GRIN2A: variants seen among roughly 807,000 people sequenced by gnomAD.
GRIN2A encodes the protein glutamate ionotropic receptor NMDA type subunit 2A.
A neutral mutation model predicts 113.4 loss-of-function variants in GRIN2A; 22 were observed. That is an observed-to-expected ratio of 0.19 (90% confidence interval 0.14 to 0.28). The LOEUF (loss-of-function observed/expected upper bound fraction) is 0.28, where lower values mean the gene tolerates loss of function less well. Ranked by LOEUF, GRIN2A falls within the 10% of genes least tolerant of loss-of-function variation. The pLI, the probability that GRIN2A is intolerant of heterozygous loss-of-function variation, is 1.00. For synonymous variants in GRIN2A, 827 were observed against 738.4 expected (o/e 1.12, Z -1.94); for missense variants, 1,502 against 1,887.0 (o/e 0.80, Z 3.78).
At chr16:10,064,729 T>G (rs2047614763) in intron 2 of GRIN2A, among the ~76,000 whole-genome samples, 1 of 152,234 alleles carries the variant, frequency 6.6e-6, no homozygotes, top group Non-Finnish European at 1.5e-5. Flanking sequence ...CATGCTATTC[T>G]CTGACTCTTA....
chr16:9,908,401 G>A (rs1251517115), intron 3 of GRIN2A, among the ~76,000 whole-genome samples: 4 of 134,524 alleles, frequency 3.0e-5, no homozygotes, highest in East Asian at 3.9e-4. Context: ...ATGGTAAAAA[G>A]AATATAGCTT....
intron 2 of GRIN2A, among the ~76,000 whole-genome samples, chr16:10,024,410 G>C (rs1452839926): frequency 6.6e-6 from 1 of 152,120 alleles, no homozygotes; most frequent in Non-Finnish European, 1.5e-5. Context: ...AGTAGAGATG[G>C]GGTTTCACCA....
chr16:10,040,033 C>CCCAA (rs1567254349), intron 2 of GRIN2A, among the ~76,000 whole-genome samples: 11 of 147,172 alleles, frequency 7.5e-5, no homozygotes, highest in Non-Finnish European at 1.1e-4. Flanking sequence ...CACAAATATA[C>CCCAA]TACACACATC....
chr16:10,034,021 C>T (rs1330893931), intron 2 of GRIN2A, among the ~76,000 whole-genome samples: 1 of 152,162 alleles, frequency 6.6e-6, no homozygotes, highest in Non-Finnish European at 1.5e-5. Context: ...GCCAAACAAC[C>T]AGCAAGGAAC....
At chr16:9,857,279 G>GA (rs537906058) in intron 4 of GRIN2A, among the ~76,000 whole-genome samples, 419 of 152,180 alleles carry the variant, frequency 2.8e-3, no homozygotes, top group African/African-American at 8.5e-3. Flanking sequence ...AAGGAAATCT[G>GA]AAAAAATCAT....
chr16:10,017,261 AAGATAATCATTACACGATTAAT>A (rs1242532417), intron 2 of GRIN2A, among the ~76,000 whole-genome samples: 10 of 152,182 alleles, frequency 6.6e-5, no homozygotes, highest in Non-Finnish European at 1.5e-4. Flanking sequence ...ATTACACATT[AAGATAATCATTACACGATTAAT>A]AGATAATCAT....
intron 2 of GRIN2A, among the ~76,000 whole-genome samples, chr16:10,070,445 A>T (rs2047727763): frequency 6.6e-6 from 1 of 152,210 alleles, no homozygotes; most frequent in Non-Finnish European, 1.5e-5. Flanking sequence ...TTAAAGTTTG[A>T]GAATCACTGG....
intron 10 of GRIN2A, among the ~76,000 whole-genome samples, chr16:9,802,335 C>T (rs1903413111): frequency 1.3e-5 from 2 of 152,160 alleles, no homozygotes; most frequent in African/African-American, 4.8e-5. Context: ...GGTACATATA[C>T]ACCATGGAAT....
At chr16:10,124,339 T>C (rs1478993254) in intron 2 of GRIN2A, among the ~76,000 whole-genome samples, 1 of 152,108 alleles carries the variant, frequency 6.6e-6, no homozygotes, top group African/African-American at 2.4e-5. Flanking sequence ...AGATCAGGGA[T>C]CATGTATGCA....
intron 2 of GRIN2A, among the ~76,000 whole-genome samples, chr16:10,061,911 G>T (rs2047557118): frequency 6.6e-6 from 1 of 152,180 alleles, no homozygotes; most frequent in African/African-American, 2.4e-5. Flanking sequence ...TATTCAGCCA[G>T]AGCCTGTCAC....
chr16:9,955,196 A>G (rs1010794000), intron 2 of GRIN2A, among the ~76,000 whole-genome samples: 10 of 152,150 alleles, frequency 6.6e-5, no homozygotes, highest in African/African-American at 2.4e-4. Flanking sequence ...AAATCACCAC[A>G]TGGCCTGTGG....
chr16:9,812,972 T>C (rs2042113613), intron 10 of GRIN2A, among the ~76,000 whole-genome samples: 1 of 152,214 alleles, frequency 6.6e-6, no homozygotes, highest in African/African-American at 2.4e-5. Flanking sequence ...TTATAAGAAT[T>C]GTGTTGTCAA....
chr16:9,935,199 A>G (rs1269751865), intron 3 of GRIN2A, among the ~76,000 whole-genome samples: 1 of 152,054 alleles, frequency 6.6e-6, no homozygotes, highest in Non-Finnish European at 1.5e-5. Flanking sequence ...TCAAAATTAT[A>G]TGTTTCTGAA....
chr16:10,100,297 A>G (rs1176087575), intron 2 of GRIN2A, among the ~76,000 whole-genome samples: 2 of 152,226 alleles, frequency 1.3e-5, no homozygotes, highest in Admixed American at 6.5e-5. Context: ...GAAAGATCCC[A>G]CTGGCTTCAG....
At chr16:9,818,424 T>C (rs141267292) in intron 10 of GRIN2A, among the ~76,000 whole-genome samples, 1,580 of 151,138 alleles carry the variant, frequency 0.01, 20 homozygotes, top group Non-Finnish European at 0.012. Context: ...TTGAATTACG[T>C]CTCAAAATTC....
chr16:10,064,216 A>G lies in GRIN2A; in HGVS notation c.414+115782T>C, dbSNP rs893602605. On this transcript the variant is annotated intron_variant, in intron 2 of 12. Coordinates refer to ENST00000330684, the MANE Select transcript of GRIN2A (RefSeq NM_001134407.3). ...TTCAGAATCAGGGGCTGACTCTTCT[A>G]TTTTTCAAACAACCCCCAAAACTAG... Among the ~76,000 whole-genome samples the G allele has an allele frequency of 3.9e-5, 6 of 152,130 alleles. No individual in the cohort carries two copies. In the East Asian group the frequency reaches 7.7e-4, roughly 20 times the overall value.
intron 2 of GRIN2A, among the ~76,000 whole-genome samples, chr16:10,063,296 A>G (rs1001524305): frequency 2.0e-5 from 3 of 152,212 alleles, no homozygotes; most frequent in African/African-American, 7.2e-5. Flanking sequence ...GACCATTCAT[A>G]TCCTCAGCAT....
chr16:9,975,806 C>A (rs2045763348), intron 2 of GRIN2A, among the ~76,000 whole-genome samples: 2 of 152,094 alleles, frequency 1.3e-5, no homozygotes, highest in African/African-American at 2.4e-5. Context: ...CAGACAGATT[C>A]AAAGTAAATT....
intron 2 of GRIN2A, among the ~76,000 whole-genome samples, chr16:10,026,591 T>A (rs1462939927): frequency 0.046 from 6,978 of 152,066 alleles, 281 homozygotes; most frequent in African/African-American, 0.1. Context: ...TCTCCCTTTC[T>A]GTCAACTGAA....
Sources: gnomAD v4.1 joint callset for allele counts (sites outside exome capture counted in the v4.1 genomes callset) on GRCh38, gnomAD v4.1.1 for gene constraint, MANE v1.5 for transcripts, NCBI Gene and HGNC (gene_info 2026-07-23, HGNC 2026-07-21) for gene names.